TDRD6: variants seen among roughly 807,000 people sequenced by gnomAD.
TDRD6 encodes tudor domain-containing protein 6.
TDRD6 carries 186 observed loss-of-function variants against 157.5 expected under a neutral mutation model. The ratio of observed to expected loss-of-function variants is 1.18; its 90% confidence interval spans 1.05 to 1.33. The LOEUF (loss-of-function observed/expected upper bound fraction) is 1.33, where lower values mean the gene tolerates loss of function less well. Among genes scored for constraint, TDRD6 ranks in the 40% most tolerant of loss-of-function variants. The pLI is 0.00. For synonymous variants in TDRD6, 1,075 were observed against 945.2 expected (o/e 1.14, Z -2.52); for missense variants, 3,066 against 2,508.0 (o/e 1.22, Z -4.75).
At position 46,691,175 on chromosome 6, in the gene TDRD6, C is replaced by G; in HGVS notation, c.3047C>G (p.Ser1016Ter). 6.2e-7 allele frequency: 1 copy of G among 1,613,654 alleles called. No homozygotes were observed. Among genetic ancestry groups the G allele is most frequent in the Non-Finnish European group, 8.5e-7 (1 of 1,179,826 alleles). Reference sequence around the variant, plus strand: ...AATGCAAATATTTTAGAACAGTTGTCATGTAGTATTACACAATTAAGTAAA... The same window carrying G: ...AATGCAAATATTTTAGAACAGTTGTGATGTAGTATTACACAATTAAGTAAA... ...ARNANILEQL[S>*]CSITQLSKVL... The change falls in exon 1 of 4, where the codon TCA becomes TGA. Residue 1016 changes from serine to a stop codon, truncating the protein, a stop_gained. Coordinates refer to ENST00000316081, the MANE Select transcript of TDRD6 (RefSeq NM_001010870.3). LOFTEE classifies it high-confidence loss of function.
In TDRD6 at chr6:46,690,094, A is replaced by T. The variant is rs539125792; in HGVS notation, c.1966A>T (p.Ile656Phe). 4 of 1,613,962 alleles carry T rather than the reference A, an allele frequency of 2.5e-6. No individual in the cohort carries two copies. In the East Asian group the frequency reaches 6.7e-5, roughly 27 times the overall value. ...LDESRTGEEN[I>F]SKVIAQAGYA... ...CGAATCAAGAACAGGGGAAGAAAAC[A>T]TTAGTAAGGTAATTGCCCAAGCTGG... Residue 656 changes from isoleucine to phenylalanine, a missense_variant, in exon 1 of 4, where the codon ATT becomes TTT. Transcript: ENST00000316081.
chr6:46,701,838 T>G lies in TDRD6; in HGVS notation c.6262-20T>G, dbSNP rs763617646. The G allele has an allele frequency of 8.2e-5, 133 of 1,612,600 alleles. 1 individual carries two copies. The Admixed American group carries it at 2.2e-3, about 26-fold the overall frequency. On this transcript the variant is annotated intron_variant, in intron 3 of 3. Coordinates refer to ENST00000316081, the MANE Select transcript of TDRD6 (RefSeq NM_001010870.3). ...TGTATGTTTCTTTCTCAGTTTGAAG[T>G]TTTTCTCTTTTTGTTTCAGAAAAGG...
In TDRD6 at chr6:46,693,385, A is replaced by G. The variant is rs1764400706; in HGVS notation, c.5257A>G (p.Ile1753Val). 6.2e-7 allele frequency: 1 copy of G among 1,612,614 alleles called. No individual in the cohort carries two copies. The highest frequency in any genetic ancestry group is 1.7e-5 in the Admixed American group (1 of 59,566). ...ACAACAGACAGATGAGCTTGCTGAA[A>G]TAACTGAAAAAGATGTAAACATTAT... ...MEQQTDELAEITEKDVNIIGT... is the reference protein window; with the variant it reads ...MEQQTDELAEVTEKDVNIIGT... Residue 1753 changes from isoleucine (I) to valine (V), a missense_variant, in exon 1 of 4, where the codon ATA (isoleucine) becomes GTA (valine). By Grantham distance (29) the Ile-to-Val change is conservative. Transcript: ENST00000316081.
At position 46,688,651 on chromosome 6, in the gene TDRD6, C is replaced by G; in HGVS notation, c.523C>G (p.Leu175Val). ...EVHGCVLDVL[L>V]LHRLVLLEVP... ...GCACGGGTGCGTCCTGGACGTGCTG[C>G]TGCTCCATCGCCTGGTCCTCCTGGA... Residue 175 changes from leucine (L) to valine (V), a missense_variant, in exon 1 of 4, where the codon CTG becomes GTG. Leu to Val is a conservative substitution (Grantham distance 32, BLOSUM62 1). Coordinates refer to ENST00000316081, the MANE Select transcript of TDRD6 (RefSeq NM_001010870.3). 1 of 1,599,534 alleles carries G rather than the reference C, an allele frequency of 6.3e-7. No individual in the cohort carries two copies. The highest frequency in any genetic ancestry group is 8.5e-7 in the Non-Finnish European group (1 of 1,179,882).
At chr6:46,701,174 A>G (rs1764616290) in intron 3 of TDRD6, 1 of 218,312 alleles carries the variant, frequency 4.6e-6, no homozygotes, top group South Asian at 5.7e-5. Context: ...TTCTTTGGAC[A>G]TAGGTAGCAG....
the TDRD6 span, among the ~76,000 whole-genome samples, chr6:46,682,592 G>A: frequency 6.6e-6 from 1 of 151,594 alleles, no homozygotes; most frequent in African/African-American, 2.4e-5. Flanking sequence ...AAAATCCCAA[G>A]GAATCTACCA....
rs753530050 is a variant in TDRD6, at chr6:46,689,002, G to A, written c.874G>A (p.Gly292Arg). Residue 292 changes from glycine (G) to arginine (R), a missense_variant, in exon 1 of 4, where the codon GGG becomes AGG. Gly to Arg is a moderately radical substitution (Grantham distance 125, BLOSUM62 -2). Transcript: ENST00000316081. ...GGCCCAGGTATACCGGGGTTCCACG[G>A]GGACAGGGGATGAGAACTCTACCAG... ...SMAQVYRGST[G>R]TGDENSTSAT... The A allele has an allele frequency of 6.2e-7, 1 of 1,613,814 alleles. No homozygotes were observed.
rs147364352 is a variant in TDRD6, at chr6:46,691,638, T to C, written c.3510T>C (p.Ser1170=). 31 of 1,613,064 alleles carry C rather than the reference T, an allele frequency of 1.9e-5. No homozygotes were observed. In the African/African-American group the frequency reaches 4.0e-4, roughly 21 times the overall value. ...AAGATAGAATAAGAAAAAAAGAAAG[T>C]GAAGTCCTCTGTTCTACAACTGAAA... ...SYKDRIRKKE[S]EVLCSTTETL... Residue 1170 remains serine (S), a synonymous_variant, in exon 1 of 4, where the codon AGT becomes AGC. Transcript: ENST00000316081.
chr6:46,690,929 T>C lies in TDRD6; in HGVS notation c.2801T>C (p.Leu934Pro), dbSNP rs759794628. Residue 934 changes from leucine to proline, a missense_variant, in exon 1 of 4, where the codon CTG becomes CCG. By Grantham distance (98) the Leu-to-Pro change is moderately conservative. Coordinates refer to ENST00000316081, the MANE Select transcript of TDRD6 (RefSeq NM_001010870.3). ...GCTCTGGCTTCAATTAATGAAGAAC[T>C]GTTTAACATTGTGGATTTGCTAACC... ...IFALASINEE[L>P]FNIVDLLTPF... 7 of 1,614,150 alleles carry C rather than the reference T, an allele frequency of 4.3e-6. No homozygotes were observed. The Admixed American group carries it at 8.3e-5, about 19-fold the overall frequency.
rs776870284 is a variant in TDRD6, at chr6:46,689,756, G to A, written c.1628G>A (p.Cys543Tyr). The change falls in exon 1 of 4, where the codon TGC (cysteine) becomes TAC (tyrosine). Residue 543 changes from cysteine to tyrosine, a missense_variant. By Grantham distance (194) the Cys-to-Tyr change is radical (BLOSUM62 -2). Transcript: ENST00000316081. ...VVLKPEPDDL[C>Y]CVKWKENGYY... The stretch of plus-strand genomic sequence containing the variant: ...TTGAAACCTGAACCTGATGACCTTT[G>A]CTGTGTCAAGTGGAAAGAAAATGGT... 5 of 1,614,182 alleles carry A rather than the reference G, an allele frequency of 3.1e-6. No homozygotes were observed. The highest frequency in any genetic ancestry group is 4.2e-6 in the Non-Finnish European group (5 of 1,180,042).
rs1764684950 is a variant in TDRD6 at position 46,703,801 on chromosome 6, TGTGA to T, written c.*1917_*1920del. ...GTTTTATTATCCTTCACAGCCTTTGTGTGAGTAACTAATGTATTCTAACTGGAAT... is the reference window on the plus strand; with the variant it reads ...GTTTTATTATCCTTCACAGCCTTTGTGTAACTAATGTATTCTAACTGGAAT... On this transcript the variant is annotated 3_prime_UTR_variant, in exon 4 of 4. Coordinates refer to ENST00000316081, the MANE Select transcript of TDRD6 (RefSeq NM_001010870.3). 3 of 152,176 alleles carry T rather than the reference TGTGA, an allele frequency of 2.0e-5. No homozygotes were observed. In the South Asian group the frequency reaches 6.2e-4, roughly 31 times the overall value. The allele number at this position is 152,176 out of a possible 1,614,324, so 9.4% of individuals were successfully genotyped here.
rs1398099992 is a variant in TDRD6, at chr6:46,692,250, C to A, written c.4122C>A (p.Ile1374=). ...ATAATTTATGGTATCGTGCTGTGAT[C>A]AAGGAGCAACAACCCAATGACCTTC... The part of the protein sequence containing the change: ...PEDNLWYRAV[I]KEQQPNDLLS... Residue 1374 remains isoleucine (I), a synonymous_variant, in exon 1 of 4, where the codon ATC becomes ATA. Coordinates refer to ENST00000316081, the MANE Select transcript of TDRD6 (RefSeq NM_001010870.3). 8.1e-6 allele frequency: 13 copies of A among 1,613,944 alleles called. No individual in the cohort carries two copies. The highest frequency in any genetic ancestry group is 1.1e-5 in the Non-Finnish European group (13 of 1,179,904).
chr6:46,696,511 GTA>G (rs1360212580), intron 2 of TDRD6, among the ~76,000 whole-genome samples: 13 of 117,206 alleles, frequency 1.1e-4, no homozygotes, highest in Non-Finnish European at 2.2e-4. Flanking sequence ...TAATATATAT[GTA>G]TATATATGTG....
In TDRD6 at chr6:46,690,954, C is replaced by CTTA. The variant is rs1764296404; in HGVS notation, c.2826_2827insTTA (p.Thr942_Pro943insLeu). The CTTA allele has an allele frequency of 6.2e-7, 1 of 1,613,960 alleles. No homozygotes were observed. The highest frequency in any genetic ancestry group is 8.5e-7 in the Non-Finnish European group (1 of 1,179,990). ...TGTTTAACATTGTGGATTTGCTAAC[C>CTTA]CCCTTTCAGAGTGCATGCCATTTCT... On this transcript the variant is annotated inframe_insertion, in exon 1 of 4. Transcript: ENST00000316081.
In TDRD6 at chr6:46,689,082, A is replaced by C; in HGVS notation, c.954A>C (p.Ala318=). The C allele has an allele frequency of 1.2e-6, 2 of 1,614,174 alleles. No homozygotes were observed. Among genetic ancestry groups the C allele is most frequent in the Non-Finnish European group, 1.7e-6 (2 of 1,180,034 alleles). ...CAGATAAGCCGGGCTCTCCGTGTGC[A>C]TCCTGTGGCCTGGATGGACATTGGT... ...ESPDKPGSPC[A]SCGLDGHWYR... Residue 318 remains alanine, a synonymous_variant, in exon 1 of 4, where the codon GCA becomes GCC. Coordinates refer to ENST00000316081, the MANE Select transcript of TDRD6 (RefSeq NM_001010870.3).
At position 46,693,496 on chromosome 6, in the gene TDRD6, A is replaced by G. The variant is rs1764405140; in HGVS notation, c.5368A>G (p.Thr1790Ala). 6.2e-7 allele frequency: 1 copy of G among 1,613,812 alleles called. No homozygotes were observed. The highest frequency in any genetic ancestry group is 1.1e-5 in the South Asian group (1 of 91,038). Reference sequence around the variant, plus strand: ...AAACCCCTGCAAAGATAAAATTGATACTGAGGAACTGGAAGGTGAATTAGA... The same window carrying G: ...AAACCCCTGCAAAGATAAAATTGATGCTGAGGAACTGGAAGGTGAATTAGA... The part of the protein sequence containing the change: ...FENPCKDKID[T>A]EELEGELECH... The change falls in exon 1 of 4, where the codon ACT becomes GCT. Residue 1790 changes from threonine to alanine, a missense_variant. Physicochemically the swap from Thr to Ala is moderately conservative, Grantham distance 58. Transcript: ENST00000316081.
In TDRD6 at chr6:46,689,794, A is replaced by G. The variant is rs775201843; in HGVS notation, c.1666A>G (p.Ile556Val). The G allele has an allele frequency of 2.2e-5, 35 of 1,614,116 alleles. No individual in the cohort carries two copies. The highest frequency in any genetic ancestry group is 2.0e-4 in the South Asian group (18 of 91,092). Residue 556 changes from isoleucine (I) to valine (V), a missense_variant, in exon 1 of 4, where the codon ATA becomes GTA. Coordinates refer to ENST00000316081, the MANE Select transcript of TDRD6 (RefSeq NM_001010870.3). ...KWKENGYYRA[I>V]VTKLDDKSVD... ...GAAAGAAAATGGTTATTATAGGGCCATAGTCACCAAATTGGATGACAAGAG... is the reference window on the plus strand; with the variant it reads ...GAAAGAAAATGGTTATTATAGGGCCGTAGTCACCAAATTGGATGACAAGAG...
In TDRD6 at chr6:46,688,393, C is replaced by T; in HGVS notation, c.265C>T (p.Arg89Trp). 5 of 1,536,896 alleles carry T rather than the reference C, an allele frequency of 3.3e-6. No individual in the cohort carries two copies. The highest frequency in any genetic ancestry group is 4.4e-6 in the Non-Finnish European group (5 of 1,145,248). The stretch of plus-strand genomic sequence containing the variant: ...GTGGCACCGCTGCCGCGTGGTCAGC[C>T]GGCAGGCACAGGAGAGCCGTGTCTT... ...LLWHRCRVVSRQAQESRVFLL... is the reference protein window; with the variant it reads ...LLWHRCRVVSWQAQESRVFLL... The change falls in exon 1 of 4, where the codon CGG becomes TGG. Residue 89 changes from arginine (R) to tryptophan (W), a missense_variant. Arg to Trp is a moderately radical substitution (Grantham distance 101, BLOSUM62 -3). Transcript: ENST00000316081.
intron 3 of TDRD6, among the ~76,000 whole-genome samples, chr6:46,698,694 G>A (rs1764553849): frequency 6.6e-6 from 1 of 152,138 alleles, no homozygotes; most frequent in Admixed American, 6.5e-5. Flanking sequence ...TCATCTTGGG[G>A]TTTGTAGCTG....
Sources: gnomAD v4.1 joint callset for allele counts (sites outside exome capture counted in the v4.1 genomes callset) on GRCh38, gnomAD v4.1.1 for gene constraint, MANE v1.5 for transcripts, NCBI Gene and HGNC (gene_info 2026-07-23, HGNC 2026-07-21) for gene names.